The following FAM171B variants were observed in gnomAD, a reference collection of about 807,000 sequenced individuals.
FAM171B encodes the protein family with sequence similarity 171 member B.
A neutral mutation model predicts 75.6 loss-of-function variants in FAM171B; 19 were observed. The observed-to-expected ratio is 0.25, with a 90% CI of 0.18 to 0.37. The LOEUF is 0.37. FAM171B is among the 10% of genes least tolerant of loss of function. The pLI is 1.00. For missense variants in FAM171B, 848 were observed against 982.4 expected (o/e 0.86, Z 1.83); for synonymous variants, 367 against 361.7 (o/e 1.01, Z -0.17).
At chr2:186,717,014 G>A (rs910041580) in intron 1 of FAM171B, among the ~76,000 whole-genome samples, 2 of 152,156 alleles carry the variant, frequency 1.3e-5, no homozygotes, top group Admixed American at 1.3e-4. Context: ...AATTCAGGCA[G>A]ACAGGTAGTG....
At chr2:186,741,971 A>G (rs1484114750) in intron 2 of FAM171B, among the ~76,000 whole-genome samples, 2 of 152,162 alleles carry the variant, frequency 1.3e-5, no homozygotes, top group South Asian at 4.1e-4. Flanking sequence ...ACCTTAATAA[A>G]TGAAATATGT....
chr2:186,765,723 T>C lies in FAM171B; in HGVS notation c.*2900T>C, dbSNP rs1258547466. Reference sequence around the variant, plus strand: ...GGCGCATGAGTTTCTCATTTTCCCATGTACGAGCATTGTAAAGGAATTCAG... The same window carrying C: ...GGCGCATGAGTTTCTCATTTTCCCACGTACGAGCATTGTAAAGGAATTCAG... On this transcript the variant is annotated 3_prime_UTR_variant, in exon 8 of 8. Transcript: ENST00000304698. The C allele has an allele frequency of 6.6e-6, 1 of 152,086 alleles. No individual in the cohort carries two copies. 9.4% of individuals were successfully genotyped at this position (152,086 alleles called of 1,614,324 possible). A position where few individuals can be genotyped will look rare whatever the true frequency, so the allele number is the denominator to read the frequency against.
In FAM171B at chr2:186,761,198, T is replaced by C; in HGVS notation, c.1098T>C (p.Ile366=). 1.2e-6 allele frequency: 2 copies of C among 1,612,468 alleles called. No individual in the cohort carries two copies. Among genetic ancestry groups the C allele is most frequent in the Non-Finnish European group, 1.7e-6 (2 of 1,179,156 alleles). The change falls in exon 7 of 8, where the codon ATT becomes ATC. Residue 366 remains isoleucine (I), a synonymous_variant. Coordinates refer to ENST00000304698, the MANE Select transcript of FAM171B (RefSeq NM_177454.4). ...CCATATTAGGAGGAACAATAGTCAT[T>C]GTCATTGGATTTTTTGCTGTACTAC... ...LTAILGGTIV[I]VIGFFAVLLC... is the part of the protein sequence containing the mutation.
intron 5 of FAM171B, 26 bp downstream of exon 5, chr2:186,751,330 T>C: frequency 6.8e-7 from 1 of 1,479,958 alleles, no homozygotes; most frequent in East Asian, 2.3e-5. Flanking sequence ...TAAAATAGTC[T>C]GAATATTTTA....
intron 1 of FAM171B, among the ~76,000 whole-genome samples, chr2:186,728,089 G>C (rs1359766092): frequency 6.6e-6 from 1 of 152,074 alleles, no homozygotes; most frequent in African/African-American, 2.4e-5. Context: ...ATGAAAAATA[G>C]GTGAGAATTC....
chr2:186,713,848 A>G (rs1689840418), intron 1 of FAM171B, among the ~76,000 whole-genome samples: 2 of 152,212 alleles, frequency 1.3e-5, no homozygotes, highest in South Asian at 2.1e-4. Flanking sequence ...ACTTTTCACT[A>G]TCTTTGATGC....
rs1181443304 is a variant in FAM171B at position 186,763,341 on chromosome 2, T to C, written c.*518T>C. ...TGGAGTTATCACAAAGAAAATGTTG[T>C]TTGGTCTTTAAAGAGCATGTGTATT... On this transcript the variant is annotated 3_prime_UTR_variant, in exon 8 of 8. Coordinates refer to ENST00000304698, the MANE Select transcript of FAM171B (RefSeq NM_177454.4). 1 of 153,688 alleles carries C rather than the reference T, an allele frequency of 6.5e-6. No individual in the cohort carries two copies. The highest frequency in any genetic ancestry group is 1.4e-5 in the Non-Finnish European group (1 of 69,210). The allele number at this position is 153,688 out of a possible 1,614,324, so 9.5% of individuals were successfully genotyped here.
chr2:186,713,652 A>G (rs1689838144), intron 1 of FAM171B, among the ~76,000 whole-genome samples: 2 of 152,202 alleles, frequency 1.3e-5, no homozygotes, highest in Non-Finnish European at 2.9e-5. Flanking sequence ...CTTCCTGTAA[A>G]TTCACTTTAA....
intron 1 of FAM171B, among the ~76,000 whole-genome samples, chr2:186,728,894 C>T (rs1421503681): frequency 6.6e-6 from 1 of 152,056 alleles, no homozygotes; most frequent in Non-Finnish European, 1.5e-5. Flanking sequence ...TTTCAGCCCA[C>T]CTACATAAAG....
intron 1 of FAM171B, among the ~76,000 whole-genome samples, chr2:186,709,743 T>A (rs1279658472): frequency 1.3e-5 from 2 of 152,194 alleles, no homozygotes; most frequent in Non-Finnish European, 1.5e-5. Context: ...CGACTTCTCT[T>A]CTTTCCCCTT....
intron 1 of FAM171B, among the ~76,000 whole-genome samples, chr2:186,709,636 G>A (rs976405520): frequency 1.3e-5 from 2 of 152,124 alleles, no homozygotes; most frequent in African/African-American, 4.8e-5. Context: ...TCCTCCACAC[G>A]AATACAACAC....
intron 1 of FAM171B, among the ~76,000 whole-genome samples, chr2:186,721,563 A>G (rs1689954663): frequency 6.6e-6 from 1 of 152,196 alleles, no homozygotes; most frequent in East Asian, 1.9e-4. Context: ...ATATACACTA[A>G]GAGTTCATAA....
chr2:186,759,312 T>C (rs1359874083), intron 6 of FAM171B, among the ~76,000 whole-genome samples: 1 of 152,148 alleles, frequency 6.6e-6, no homozygotes, highest in Non-Finnish European at 1.5e-5. Context: ...GTTAGGGTCT[T>C]CCCGACTGAG....
chr2:186,732,935 A>G (rs963760527), intron 1 of FAM171B, among the ~76,000 whole-genome samples: 2 of 152,194 alleles, frequency 1.3e-5, no homozygotes, highest in African/African-American at 2.4e-5. Flanking sequence ...CAGATTTTCT[A>G]TCTATTGAGA....
At chr2:186,761,028 T>C (rs1030584508) in intron 6 of FAM171B, 85 bp from the exon 7 acceptor site, 5 of 1,391,496 alleles carry the variant, frequency 3.6e-6, no homozygotes, top group East Asian at 2.4e-5. Context: ...TGTACACTTA[T>C]TCAATTTGCC....
At chr2:186,747,281 T>G (rs1690378745) in intron 4 of FAM171B, 31 bp downstream of exon 4, 1 of 1,433,048 alleles carries the variant, frequency 7.0e-7, no homozygotes, top group African/African-American at 1.5e-5. Context: ...AATATAGTTA[T>G]AAGAAACATT....
intron 6 of FAM171B, among the ~76,000 whole-genome samples, chr2:186,755,181 C>T (rs569037763): frequency 7.2e-5 from 11 of 152,272 alleles, no homozygotes; most frequent in South Asian, 2.1e-4. Context: ...CTCTAACCTG[C>T]GGTAGTCTAG....
chr2:186,759,614 C>T lies in FAM171B; in HGVS notation c.1013-1499C>T, dbSNP rs977883263. On this transcript the variant is annotated intron_variant, in intron 6 of 7. Transcript: ENST00000304698. Reference sequence around the variant, plus strand: ...AATATGTTGAGCCTCTTTTCATATTCCTGTTTGCCATTTGTTTGTCTTTTT... The same window carrying T: ...AATATGTTGAGCCTCTTTTCATATTTCTGTTTGCCATTTGTTTGTCTTTTT... Among the ~76,000 whole-genome samples, 7 of 152,086 alleles carry T rather than the reference C, an allele frequency of 4.6e-5. No individual in the cohort carries two copies. In the South Asian group the frequency reaches 6.2e-4, roughly 14 times the overall value.
At position 186,765,469 on chromosome 2, in the gene FAM171B, C is replaced by T. The variant is rs1690686085; in HGVS notation, c.*2646C>T. On this transcript the variant is annotated 3_prime_UTR_variant, in exon 8 of 8. Transcript: ENST00000304698. ...TATGCAGTTGTATAGGGATTATGCC[C>T]TTTCAGTTCTATAGGGATTATGCCC... 6.6e-6 allele frequency: 1 copy of T among 152,006 alleles called. No individual in the cohort carries two copies. Among genetic ancestry groups the T allele is most frequent in the East Asian group, 1.9e-4 (1 of 5,172 alleles). 9.4% of individuals were successfully genotyped at this position (152,006 alleles called of 1,614,324 possible). A position where few individuals can be genotyped will look rare whatever the true frequency, so the allele number is the denominator to read the frequency against.
Sources: allele counts gnomAD v4.1 joint callset (sites outside exome capture counted in the v4.1 genomes callset), GRCh38; gene constraint gnomAD v4.1.1; transcripts MANE v1.5; gene names NCBI Gene and HGNC (gene_info 2026-07-23, HGNC 2026-07-21).